The following NEIL3 variants were observed in gnomAD, a reference collection of about 807,000 sequenced individuals.
NEIL3 encodes endonuclease 8-like 3.
In NEIL3, 48 loss-of-function variants were observed where a neutral mutation model predicts 57.5. The observed-to-expected ratio is 0.83, with a 90% CI of 0.66 to 1.06. The LOEUF (loss-of-function observed/expected upper bound fraction) is 1.06. Among genes scored for constraint, NEIL3 ranks in the 50% least tolerant of loss-of-function variants. NEIL3 has a pLI of 0.00. For missense variants in NEIL3, 717 were observed against 739.1 expected (o/e 0.97, Z 0.35); for synonymous variants, 261 against 253.2 (o/e 1.03, Z -0.29).
chr4:177,348,401 G>C (rs1314889034), intron 6 of NEIL3, among the ~76,000 whole-genome samples: 1 of 152,128 alleles, frequency 6.6e-6, no homozygotes, highest in African/African-American at 2.4e-5. Flanking sequence ...GATCATGGTG[G>C]CCTGTGAGCT....
the NEIL3 span, among the ~76,000 whole-genome samples, chr4:177,369,941 T>C: frequency 8.5e-5 from 13 of 152,324 alleles, no homozygotes; most frequent in African/African-American, 2.9e-4. Context: ...CTGTTATGTG[T>C]CACAACTATT....
At chr4:177,337,781 G>A (rs1056869919) in intron 4 of NEIL3, among the ~76,000 whole-genome samples, 7 of 152,082 alleles carry the variant, frequency 4.6e-5, no homozygotes, top group African/African-American at 7.2e-5. Flanking sequence ...GGCAGATCAC[G>A]AGGTCAAGAG....
intron 6 of NEIL3, among the ~76,000 whole-genome samples, chr4:177,348,858 ATTTTTTTTTTTT>A (rs749391559): frequency 2.7e-5 from 2 of 73,714 alleles, no homozygotes; most frequent in Non-Finnish European, 4.7e-5. Context: ...TGGCTCATGA[ATTTTTTTTTTTT>A]TTTTTTTTTT....
At chr4:177,319,232 A>T (rs546574264) in intron 1 of NEIL3, among the ~76,000 whole-genome samples, 1 of 152,290 alleles carries the variant, frequency 6.6e-6, no homozygotes, top group East Asian at 1.9e-4. Context: ...TAGCCATTAT[A>T]AAACCTGGTA....
At position 177,335,750 on chromosome 4, in the gene NEIL3, G is replaced by C; in HGVS notation, c.341G>C (p.Gly114Ala). 6.3e-7 allele frequency: 1 copy of C among 1,596,426 alleles called. No homozygotes were observed. The highest frequency in any genetic ancestry group is 8.5e-7 in the Non-Finnish European group (1 of 1,173,248). Reference protein sequence around the residue: ...INPLEYKYKNGASPVLEVQLT... With the variant: ...INPLEYKYKNAASPVLEVQLT... The stretch of plus-strand genomic sequence containing the variant: ...CCACTTGAGTATAAATATAAAAATG[G>C]AGCTTCTCCTGTTTTGGAAGTGCAG... The change falls in exon 3 of 10, where the codon GGA becomes GCA. Residue 114 changes from glycine to alanine, a missense_variant. Transcript: ENST00000264596.
chr4:177,366,084 G>A (rs1434265763), downstream of NEIL3, among the ~76,000 whole-genome samples: 1 of 152,074 alleles, frequency 6.6e-6, no homozygotes, highest in African/African-American at 2.4e-5. Flanking sequence ...AAAGCCAGGT[G>A]GAAATCCAAA....
At chr4:177,368,142 T>C in the NEIL3 span, among the ~76,000 whole-genome samples, 4 of 152,202 alleles carry the variant, frequency 2.6e-5, no homozygotes, top group East Asian at 7.7e-4. Context: ...GAGTCATCTA[T>C]GTAGGAAAAA....
chr4:177,341,379 A>C, intron 5 of NEIL3, 97 bp from the exon 6 acceptor site: 1 of 925,006 alleles, frequency 1.1e-6, no homozygotes, highest in Non-Finnish European at 1.6e-6. Flanking sequence ...AATTTTTAGC[A>C]GATGATTTTC....
intron 1 of NEIL3, among the ~76,000 whole-genome samples, chr4:177,321,540 G>T (rs1285374400): frequency 6.6e-6 from 1 of 151,884 alleles, no homozygotes; most frequent in Non-Finnish European, 1.5e-5. Flanking sequence ...TAAACCAAAC[G>T]CCCTTTCTTT....
chr4:177,324,186 C>T (rs945951176), intron 2 of NEIL3, among the ~76,000 whole-genome samples: 1 of 152,172 alleles, frequency 6.6e-6, no homozygotes, highest in African/African-American at 2.4e-5. Flanking sequence ...GGCTGCAGGT[C>T]TGTGCACCTG....
intron 1 of NEIL3, among the ~76,000 whole-genome samples, chr4:177,311,316 G>T (rs1299940739): frequency 2.0e-5 from 3 of 152,092 alleles, no homozygotes; most frequent in African/African-American, 7.2e-5. Context: ...TTCTGTGAAG[G>T]AGAGATACAC....
chr4:177,361,555 A>C (rs1264035187), intron 9 of NEIL3, among the ~76,000 whole-genome samples: 1 of 152,178 alleles, frequency 6.6e-6, no homozygotes, highest in Non-Finnish European at 1.5e-5. Context: ...CAAAATTCAC[A>C]GATTTCCTCC....
At chr4:177,353,167 C>A in intron 7 of NEIL3, 141 bp from the exon 8 acceptor site, 2 of 658,052 alleles carry the variant, frequency 3.0e-6, no homozygotes, top group Non-Finnish European at 5.1e-6. Context: ...CTTGTCTGAG[C>A]TAACTTTGTG....
At chr4:177,369,936 A>G in the NEIL3 span, among the ~76,000 whole-genome samples, 1 of 152,184 alleles carries the variant, frequency 6.6e-6, no homozygotes, top group South Asian at 2.1e-4. Flanking sequence ...TGCTACTGTT[A>G]TGTGTCACAA....
At chr4:177,328,140 G>C (rs1191539442) in intron 2 of NEIL3, among the ~76,000 whole-genome samples, 1 of 152,168 alleles carries the variant, frequency 6.6e-6, no homozygotes, top group Admixed American at 6.5e-5. Flanking sequence ...GATGTATTTG[G>C]AGTTCCAGAA....
At chr4:177,363,147 G>A (rs917682589), downstream of NEIL3, among the ~76,000 whole-genome samples, 8 of 152,032 alleles carry the variant, frequency 5.3e-5, no homozygotes, top group African/African-American at 9.7e-5. Context: ...CCCTCTCCCC[G>A]CTGCTTGTAT....
chr4:177,339,865 C>G lies in NEIL3; in HGVS notation c.702+8C>G. ...AGCATTCTCTTTTACAGGGTAAGAGCAAAATTTTTCAACTGTGTAAAATGT... is the reference window on the plus strand; with the variant it reads ...AGCATTCTCTTTTACAGGGTAAGAGGAAAATTTTTCAACTGTGTAAAATGT... On this transcript the variant is annotated splice_region_variant and intron_variant, in intron 5 of 9. Coordinates refer to ENST00000264596, the MANE Select transcript of NEIL3 (RefSeq NM_018248.3). The G allele has an allele frequency of 6.3e-7, 1 of 1,586,734 alleles. No homozygotes were observed. Among genetic ancestry groups the G allele is most frequent in the East Asian group, 2.2e-5 (1 of 44,720 alleles).
At chr4:177,351,206 C>CAAAAAAAAAAAAAA (rs749430879) in intron 6 of NEIL3, among the ~76,000 whole-genome samples, 174 bp from the exon 7 acceptor site, 4 of 58,518 alleles carry the variant, frequency 6.8e-5, no homozygotes, top group African/African-American at 1.6e-4. Flanking sequence ...CCCATCTCTA[C>CAAAAAAAAAAAAAA]AAAAAAAAAA....
chr4:177,348,858 ATTTTTTT>A lies in NEIL3; in HGVS notation c.870-2501_870-2495del, dbSNP rs749391559. Reference sequence around the variant, plus strand: ...AGAATTGCAGATTGGTGGCTCATGAATTTTTTTTTTTTTTTTTTTTTTTTTTTGACAC... The same window carrying A: ...AGAATTGCAGATTGGTGGCTCATGAATTTTTTTTTTTTTTTTTTTTGACAC... On this transcript the variant is annotated intron_variant, in intron 6 of 9. Coordinates refer to ENST00000264596, the MANE Select transcript of NEIL3 (RefSeq NM_018248.3). Among the ~76,000 whole-genome samples, 13 of 73,736 alleles carry A rather than the reference ATTTTTTT, an allele frequency of 1.8e-4. 1 individual carries two copies. Among genetic ancestry groups the A allele is most frequent in the African/African-American group, 4.2e-4 (7 of 16,566 alleles). The allele number at this position is 73,736 out of a possible 152,430, so 48.4% of individuals were successfully genotyped here.
Sources: gnomAD v4.1 joint callset for allele counts (sites outside exome capture counted in the v4.1 genomes callset) on GRCh38, gnomAD v4.1.1 for gene constraint, MANE v1.5 for transcripts, NCBI Gene and HGNC (gene_info 2026-07-23, HGNC 2026-07-21) for gene names.